Variants in RASGRP3 observed in about 807,000 individuals in gnomAD.
The protein encoded by RASGRP3 is RAS guanyl releasing protein 3.
In RASGRP3, 54 loss-of-function variants were observed where a neutral mutation model predicts 82.7. The observed-to-expected ratio is 0.65, with a 90% confidence interval of 0.52 to 0.82. The LOEUF (loss-of-function observed/expected upper bound fraction) is 0.82, where lower values mean the gene tolerates loss of function less well. Ranked by LOEUF, RASGRP3 falls within the 40% of genes least tolerant of loss-of-function variation. The pLI, the probability that RASGRP3 is intolerant of heterozygous loss-of-function variation, is 0.00. For synonymous variants in RASGRP3, 309 were observed against 300.5 expected (o/e 1.03, Z -0.29); for missense variants, 861 against 828.9 (o/e 1.04, Z -0.48).
rs1394342483 is a variant in RASGRP3, at chr2:33,477,230, T to C, written c.-261+523T>C. Among the ~76,000 whole-genome samples the C allele has an allele frequency of 2.0e-5, 3 of 152,222 alleles. No individual in the cohort carries two copies. In the East Asian group the frequency reaches 5.8e-4, roughly 29 times the overall value. On this transcript the variant is annotated intron_variant, in intron 1 of 17. Transcript: ENST00000403687. ...AATATCTCATTTAACTGTGTAGAAC[T>C]GTCTGCAATATAGAAGACTGACAAA...
chr2:33,501,497 A>G (rs1669874437), intron 1 of RASGRP3, among the ~76,000 whole-genome samples: 1 of 152,216 alleles, frequency 6.6e-6, no homozygotes, highest in Admixed American at 6.5e-5. Context: ...TGACTGTACC[A>G]TTTTACATTT....
intron 14 of RASGRP3, among the ~76,000 whole-genome samples, chr2:33,550,997 A>C (rs1350632823): frequency 6.6e-6 from 1 of 152,200 alleles, no homozygotes; most frequent in Non-Finnish European, 1.5e-5. Context: ...CTGGGATTGC[A>C]TGACCAGACC....
intron 14 of RASGRP3, among the ~76,000 whole-genome samples, chr2:33,554,860 C>T (rs1190427465): frequency 2.6e-5 from 4 of 152,140 alleles, no homozygotes; most frequent in Non-Finnish European, 5.9e-5. Flanking sequence ...CCTGGGCAAA[C>T]GCTCCCTCGT....
chr2:33,477,944 T>A (rs1167107974), intron 1 of RASGRP3, among the ~76,000 whole-genome samples: 1 of 152,202 alleles, frequency 6.6e-6, no homozygotes, highest in Non-Finnish European at 1.5e-5. Context: ...TGCGCTTGTT[T>A]CCTCGTGTGA....
chr2:33,440,597 C>G (rs971680204), intron 1 of RASGRP3, among the ~76,000 whole-genome samples: 14 of 152,166 alleles, frequency 9.2e-5, no homozygotes, highest in African/African-American at 2.7e-4. Context: ...TGATGGCCCT[C>G]GTAGAATTCT....
In RASGRP3 at chr2:33,476,848, T is replaced by C. The variant is rs900851179; in HGVS notation, c.-261+141T>C. ...TGATTTTGGTTTCCCTCTGGCACGA[T>C]AGAAGGAGATATTTTATTTGTACCT... On this transcript the variant is annotated intron_variant, in intron 1 of 17. Transcript: ENST00000403687. 5.9e-5 allele frequency: 9 copies of C among 151,626 alleles called. No individual in the cohort carries two copies. In the Admixed American group the frequency reaches 5.9e-4, roughly 10 times the overall value. 9.4% of individuals were successfully genotyped at this position (151,626 alleles called of 1,614,324 possible).
chr2:33,519,830 T>C, intron 4 of RASGRP3, 122 bp from the exon 5 acceptor site: 2 of 633,278 alleles, frequency 3.2e-6, no homozygotes, highest in Non-Finnish European at 5.6e-6. Flanking sequence ...CTCTCCGTAT[T>C]TGAGTGTCTA....
At chr2:33,545,162 G>A (rs1005625137) in intron 13 of RASGRP3, among the ~76,000 whole-genome samples, 17 of 152,124 alleles carry the variant, frequency 1.1e-4, no homozygotes, top group African/African-American at 4.1e-4. Context: ...AAATATTTGT[G>A]TCTATCTCTA....
At chr2:33,544,016 A>T (rs1674509017) in intron 13 of RASGRP3, among the ~76,000 whole-genome samples, 1 of 152,130 alleles carries the variant, frequency 6.6e-6, no homozygotes, top group African/African-American at 2.4e-5. Flanking sequence ...ATTCATGAAG[A>T]TTTTAAAAAA....
intron 1 of RASGRP3, among the ~76,000 whole-genome samples, chr2:33,499,729 CAG>C (rs1487260752): frequency 6.6e-6 from 1 of 150,522 alleles, no homozygotes; most frequent in Non-Finnish European, 1.5e-5. Flanking sequence ...GAGCTATACT[CAG>C]AGAATTACAT....
At chr2:33,540,553 G>GTT (rs56894064) in intron 12 of RASGRP3, among the ~76,000 whole-genome samples, 3 of 126,078 alleles carry the variant, frequency 2.4e-5, no homozygotes, top group South Asian at 5.4e-4. Context: ...CTGTGTGTGT[G>GTT]TTTTGTGTGT....
At position 33,543,643 on chromosome 2, in the gene RASGRP3, G is replaced by T. The variant is rs1674473655; in HGVS notation, c.1394+16G>T. 2 of 1,522,020 alleles carry T rather than the reference G, an allele frequency of 1.3e-6. No homozygotes were observed. Among genetic ancestry groups the T allele is most frequent in the Non-Finnish European group, 1.8e-6 (2 of 1,107,922 alleles). 94.3% of individuals were successfully genotyped at this position (1,522,020 alleles called of 1,614,324 possible). A position where few individuals can be genotyped will look rare whatever the true frequency, so the allele number is the denominator to read the frequency against. ...ACAAAGATCAGTAAGTTTTAATTTTGTTTTATTTTAATGCAACTATCCTAA... is the reference window on the plus strand; with the variant it reads ...ACAAAGATCAGTAAGTTTTAATTTTTTTTTATTTTAATGCAACTATCCTAA... On this transcript the variant is annotated intron_variant, in intron 13 of 17. Transcript: ENST00000403687.
chr2:33,519,150 G>C (rs1391696503), intron 4 of RASGRP3, among the ~76,000 whole-genome samples: 1 of 152,012 alleles, frequency 6.6e-6, no homozygotes, highest in African/African-American at 2.4e-5. Flanking sequence ...GTAATGCATT[G>C]GGTTACAACA....
chr2:33,438,974 T>G (rs569494765), intron 1 of RASGRP3, among the ~76,000 whole-genome samples: 41 of 151,724 alleles, frequency 2.7e-4, no homozygotes, highest in African/African-American at 9.8e-4. Context: ...TGCCAAGGTC[T>G]TCTTCTTCAG....
Position 33,523,429 on chromosome 2 carries a change from C to T in RASGRP3, c.517-450C>T, listed in dbSNP as rs113540450. ...GCAGTGAGCCGAGATCGCGCCACTG[C>T]ACTCCAGCCTGGCAATAGAGCGACA... On this transcript the variant is annotated intron_variant, in intron 7 of 17. Coordinates refer to ENST00000403687, the MANE Select transcript of RASGRP3 (RefSeq NM_001139488.2). Among the ~76,000 whole-genome samples the T allele has an allele frequency of 6.0e-3, 908 of 150,524 alleles. 6 individuals carry two copies. The highest frequency in any genetic ancestry group is 0.034 in the Middle Eastern group (10 of 292).
intron 2 of RASGRP3, among the ~76,000 whole-genome samples, chr2:33,468,840 C>T (rs1666875969): frequency 6.6e-6 from 1 of 152,146 alleles, no homozygotes; most frequent in Non-Finnish European, 1.5e-5. Context: ...TATACATATG[C>T]AATCCATATT....
At chr2:33,474,862 C>T (rs572545359), upstream of RASGRP3, among the ~76,000 whole-genome samples, 5 of 152,320 alleles carry the variant, frequency 3.3e-5, no homozygotes, top group African/African-American at 9.6e-5. Flanking sequence ...ACTAATACAA[C>T]TTAACTTTCC....
chr2:33,539,420 C>G, intron 12 of RASGRP3: 1 of 477,370 alleles, frequency 2.1e-6, no homozygotes, highest in Non-Finnish European at 3.8e-6. Flanking sequence ...CTCTCTTGCC[C>G]AGATACTCTC....
At position 33,464,337 on chromosome 2, in the gene RASGRP3, C is replaced by G. The variant is rs1431754221; in HGVS notation, c.-261+16394C>G. 2.0e-5 allele frequency among the ~76,000 whole-genome samples: 3 copies of G among 151,052 alleles called. No homozygotes were observed. The South Asian group carries it at 6.3e-4, about 32-fold the overall frequency. On this transcript the variant is annotated intron_variant, in intron 2 of 18. Coordinates refer to the RASGRP3 transcript ENST00000402538. ...GTCTTACCATGTTGCCCAGGCTGGT[C>G]TTGAACTCCTGAGCTCAGGCAATCT...
Sources: gnomAD v4.1 joint callset for allele counts (sites outside exome capture counted in the v4.1 genomes callset) on GRCh38, gnomAD v4.1.1 for gene constraint, MANE v1.5 for transcripts, NCBI Gene and HGNC (gene_info 2026-07-23, HGNC 2026-07-21) for gene names.